Variants in CDH4 observed in about 807,000 individuals in gnomAD.
CDH4 encodes the protein cadherin-4.
In CDH4, 33 loss-of-function variants were observed where a neutral mutation model predicts 86.0. That is an observed-to-expected ratio of 0.38 (90% confidence interval 0.29 to 0.51). CDH4 has a LOEUF of 0.51. Ranked by LOEUF, CDH4 falls within the 20% of genes least tolerant of loss-of-function variation. The pLI, the probability that CDH4 is intolerant of heterozygous loss-of-function variation, is 0.86. For synonymous variants in CDH4, 555 were observed against 549.4 expected (o/e 1.01, Z -0.14); for missense variants, 1,114 against 1,307.4 (o/e 0.85, Z 2.28).
chr20:61,858,053 CTGTG>C (rs1360466895), intron 6 of CDH4, among the ~76,000 whole-genome samples: 1 of 138,698 alleles, frequency 7.2e-6, no homozygotes, highest in Admixed American at 7.2e-5. Flanking sequence ...CTGTGTGTCT[CTGTG>C]TGTGTGTCTG....
intron 2 of CDH4, among the ~76,000 whole-genome samples, chr20:61,341,851 G>C (rs1354332964): frequency 6.6e-6 from 1 of 152,156 alleles, no homozygotes. Context: ...GCGGGACTTG[G>C]AGACGCCCAT....
intron 5 of CDH4, among the ~76,000 whole-genome samples, chr20:61,851,103 G>T (rs1255720541): frequency 6.6e-6 from 1 of 152,218 alleles, no homozygotes; most frequent in Non-Finnish European, 1.5e-5. Flanking sequence ...GAGTCTGCCC[G>T]CGACGGGGCG....
At chr20:61,491,081 AT>A (rs1265352957) in intron 2 of CDH4, among the ~76,000 whole-genome samples, 1 of 152,212 alleles carries the variant, frequency 6.6e-6, no homozygotes, top group Non-Finnish European at 1.5e-5. Context: ...CATTGACTCC[AT>A]TGCAATACAA....
chr20:61,640,831 C>T (rs888839049), intron 2 of CDH4, among the ~76,000 whole-genome samples: 6 of 152,156 alleles, frequency 3.9e-5, no homozygotes, highest in South Asian at 2.1e-4. Context: ...GTGTGGGCTA[C>T]GCTGTTGGTC....
intron 9 of CDH4, among the ~76,000 whole-genome samples, chr20:61,914,499 C>T (rs1330987716): frequency 1.3e-5 from 2 of 152,196 alleles, no homozygotes; most frequent in African/African-American, 4.8e-5. Context: ...GGTGCGGGCT[C>T]AGCCTCGGCA....
At chr20:61,889,331 TGGA>T (rs1984684326) in intron 7 of CDH4, among the ~76,000 whole-genome samples, 1 of 148,546 alleles carries the variant, frequency 6.7e-6, no homozygotes, top group Non-Finnish European at 1.5e-5. Context: ...GATGGATGGA[TGGA>T]TGGATGGGTG....
intron 2 of CDH4, among the ~76,000 whole-genome samples, chr20:61,405,830 G>A (rs1169029891): frequency 1.3e-5 from 2 of 151,946 alleles, no homozygotes; most frequent in Admixed American, 6.6e-5. Flanking sequence ...ACAGGCGCCC[G>A]CCATCACGCC....
chr20:61,576,726 G>A (rs1056473082), intron 2 of CDH4, among the ~76,000 whole-genome samples: 11 of 152,162 alleles, frequency 7.2e-5, no homozygotes, highest in East Asian at 1.9e-4. Context: ...CAGGAGAAGC[G>A]TGTTCACCCC....
chr20:61,743,832 C>T (rs1477929258), intron 3 of CDH4, 43 bp downstream of exon 3: 1 of 1,414,810 alleles, frequency 7.1e-7, no homozygotes. Flanking sequence ...TTTAGATGAC[C>T]TAGTTCCTCC....
chr20:61,779,622 ACACCCCATTGCTT>A, intron 4 of CDH4, among the ~76,000 whole-genome samples: 1 of 152,326 alleles, frequency 6.6e-6, no homozygotes, highest in Admixed American at 6.5e-5. Context: ...TTGTGCACAT[ACACCCCATTGCTT>A]CACATCCAGC....
chr20:61,625,191 A>G (rs1373743789), intron 2 of CDH4, among the ~76,000 whole-genome samples: 2 of 152,134 alleles, frequency 1.3e-5, no homozygotes, highest in Non-Finnish European at 2.9e-5. Context: ...CTGTGCATGG[A>G]CTATCTGTGA....
intron 6 of CDH4, among the ~76,000 whole-genome samples, chr20:61,855,014 AC>A (rs1982936564): frequency 1.3e-5 from 1 of 74,638 alleles, no homozygotes; most frequent in Non-Finnish European, 2.6e-5. Context: ...CCCTTGGCCC[AC>A]CCCCAGGGCT....
At position 61,417,453 on chromosome 20, in the gene CDH4, C is replaced by G. The variant is rs2085153138; in HGVS notation, c.169+162516C>G. Among the ~76,000 whole-genome samples the G allele has an allele frequency of 6.6e-6, 1 of 152,168 alleles. No homozygotes were observed. Among genetic ancestry groups the G allele is most frequent in the Non-Finnish European group, 1.5e-5 (1 of 68,040 alleles). ...GGGGCCCGAGTGCCAGCTGTTTCCTCTAAAAATATCACCCACGTGAGCCAG... is the reference window on the plus strand; with the variant it reads ...GGGGCCCGAGTGCCAGCTGTTTCCTGTAAAAATATCACCCACGTGAGCCAG... On this transcript the variant is annotated intron_variant, in intron 2 of 15. Coordinates refer to ENST00000614565, the MANE Select transcript of CDH4 (RefSeq NM_001794.5). This position sits in a 1 kb window ranked among gnomAD's most constrained non-coding sequence, Gnocchi z 4.0.
chr20:61,892,683 G>T (rs2122860399), intron 7 of CDH4, among the ~76,000 whole-genome samples: 1 of 152,238 alleles, frequency 6.6e-6, no homozygotes, highest in East Asian at 1.9e-4. Context: ...CATAATAAAA[G>T]ATCCCAAAAC....
intron 4 of CDH4, among the ~76,000 whole-genome samples, chr20:61,835,934 G>A (rs905557571): frequency 3.9e-5 from 6 of 152,158 alleles, no homozygotes; most frequent in African/African-American, 1.4e-4. Context: ...TGCAAACTCC[G>A]ACTGTCCCGA....
intron 4 of CDH4, among the ~76,000 whole-genome samples, chr20:61,800,341 C>T (rs1979765706): frequency 6.6e-6 from 1 of 152,222 alleles, no homozygotes; most frequent in African/African-American, 2.4e-5. Context: ...CGACTCTTTG[C>T]CCCCTCCTTG....
intron 2 of CDH4, among the ~76,000 whole-genome samples, chr20:61,523,188 G>A (rs755484630): frequency 1.3e-5 from 2 of 152,208 alleles, no homozygotes; most frequent in Non-Finnish European, 2.9e-5. Context: ...TGCCAGAACG[G>A]TGCCTCAGTT....
intron 2 of CDH4, among the ~76,000 whole-genome samples, chr20:61,302,502 T>C (rs1180698897): frequency 6.7e-6 from 1 of 149,796 alleles, no homozygotes; most frequent in East Asian, 2.0e-4. Context: ...GGGTCTGTTG[T>C]CACAAACGTC....
intron 4 of CDH4, among the ~76,000 whole-genome samples, chr20:61,787,324 T>C (rs1978937173): frequency 1.3e-5 from 2 of 152,212 alleles, no homozygotes; most frequent in South Asian, 4.1e-4. Flanking sequence ...AGGAAACTTA[T>C]AATCATGGTG....
Sources: gnomAD v4.1 joint callset for allele counts (sites outside exome capture counted in the v4.1 genomes callset) on GRCh38, gnomAD v4.1.1 for gene constraint, Gnocchi (gnomAD v3.1) non-coding constraint, MANE v1.5 for transcripts, NCBI Gene and HGNC (gene_info 2026-07-23, HGNC 2026-07-21) for gene names.